The following NRCAM variants were observed in gnomAD, a reference collection of about 807,000 sequenced individuals.
The protein encoded by NRCAM is NgCAM-related cell adhesion molecule.
NRCAM carries 83 observed loss-of-function variants against 156.5 expected under a neutral mutation model. The observed-to-expected ratio is 0.53, with a 90% CI of 0.44 to 0.64. The LOEUF (loss-of-function observed/expected upper bound fraction) is 0.64, where lower values mean the gene tolerates loss of function less well. NRCAM is among the 30% of genes least tolerant of loss of function. The pLI is 0.00. For synonymous variants in NRCAM, 538 were observed against 563.9 expected, an observed-to-expected ratio of 0.95 and a Z score of 0.65; for missense variants, 1,417 against 1,597.3, an observed-to-expected ratio of 0.89 and a Z score of 1.92.
intron 20 of NRCAM, among the ~76,000 whole-genome samples, chr7:108,186,642 C>T (rs1046109301): frequency 2.0e-5 from 3 of 152,168 alleles, no homozygotes; most frequent in African/African-American, 7.2e-5. Context: ...TCATGGCTCC[C>T]TTAGGCCAAA....
chr7:108,189,807 C>A (rs117767459), intron 19 of NRCAM, 61 bp from the exon 20 acceptor site: 5 of 711,774 alleles, frequency 7.0e-6, no homozygotes, highest in Admixed American at 2.3e-5. Flanking sequence ...CTCTCCTTTA[C>A]TCGTGATACT....
intron 2 of NRCAM, among the ~76,000 whole-genome samples, chr7:108,383,619 T>C (rs1282713171): frequency 6.6e-6 from 1 of 152,204 alleles, no homozygotes; most frequent in East Asian, 1.9e-4. Flanking sequence ...CTTGGCTACT[T>C]AGCCAAAGAA....
intron 13 of NRCAM, among the ~76,000 whole-genome samples, chr7:108,201,192 A>AAAG (rs2077896735): frequency 6.6e-6 from 1 of 150,820 alleles, no homozygotes; most frequent in African/African-American, 2.4e-5. Context: ...AAAAAAAAAA[A>AAAG]GAAAAAGATT....
At chr7:108,174,829 G>A (rs796433139) in intron 28 of NRCAM, among the ~76,000 whole-genome samples, 1 of 152,344 alleles carries the variant, frequency 6.6e-6, no homozygotes, top group African/African-American at 2.4e-5. Context: ...ACCAGTTGGA[G>A]GGCATTGCTA....
chr7:108,330,289 G>T (rs1339219960), intron 2 of NRCAM, among the ~76,000 whole-genome samples: 1 of 152,120 alleles, frequency 6.6e-6, no homozygotes, highest in Non-Finnish European at 1.5e-5. Context: ...CTTGAAAAAA[G>T]GTTGCATTTT....
At chr7:108,331,707 A>T (rs1287237752) in intron 2 of NRCAM, among the ~76,000 whole-genome samples, 3 of 152,242 alleles carry the variant, frequency 2.0e-5, no homozygotes, top group Non-Finnish European at 4.4e-5. Context: ...AAAGATGTGT[A>T]GATGATTCTT....
chr7:108,358,244 C>CAAAAA (rs71314689), intron 2 of NRCAM, among the ~76,000 whole-genome samples: 1 of 71,794 alleles, frequency 1.4e-5, no homozygotes, highest in Non-Finnish European at 2.8e-5. Flanking sequence ...CCCCTCTCTA[C>CAAAAA]AAAAAAAAAA....
chr7:108,226,731 C>T (rs1380916360), intron 8 of NRCAM, among the ~76,000 whole-genome samples: 2 of 152,122 alleles, frequency 1.3e-5, no homozygotes, highest in East Asian at 1.9e-4. Flanking sequence ...AGTACACATA[C>T]ACATATATCT....
At chr7:108,274,921 C>A (rs1281641466) in intron 3 of NRCAM, among the ~76,000 whole-genome samples, 2 of 151,988 alleles carry the variant, frequency 1.3e-5, no homozygotes, top group African/African-American at 2.4e-5. Context: ...ATTAATACCT[C>A]ATTTATTGAA....
intron 1 of NRCAM, among the ~76,000 whole-genome samples, chr7:108,425,368 T>C (rs1161563590): frequency 6.6e-6 from 1 of 152,208 alleles, no homozygotes; most frequent in Non-Finnish European, 1.5e-5. Flanking sequence ...CCCTGCACAA[T>C]ACTAAATCCC....
intron 2 of NRCAM, among the ~76,000 whole-genome samples, chr7:108,367,404 C>T (rs985438433): frequency 2.6e-5 from 4 of 152,060 alleles, no homozygotes; most frequent in Non-Finnish European, 5.9e-5. Context: ...TCTTGTAAGA[C>T]ATCTGAGTTT....
chr7:108,411,686 C>A (rs372095852), intron 1 of NRCAM, among the ~76,000 whole-genome samples: 1 of 152,096 alleles, frequency 6.6e-6, no homozygotes, highest in Non-Finnish European at 1.5e-5. Flanking sequence ...TGCGCCACCA[C>A]GCCCGGCTAA....
At chr7:108,236,881 C>T (rs1589472357) in intron 5 of NRCAM, among the ~76,000 whole-genome samples, 2 of 152,130 alleles carry the variant, frequency 1.3e-5, no homozygotes, top group South Asian at 2.1e-4. Flanking sequence ...TTGTGCTTTT[C>T]TGGGAGTGAC....
chr7:108,341,171 C>T (rs772963683), intron 2 of NRCAM, among the ~76,000 whole-genome samples: 8 of 152,232 alleles, frequency 5.3e-5, no homozygotes, highest in Non-Finnish European at 7.3e-5. Context: ...AGGCCCACTG[C>T]CCCAGGGGAC....
At chr7:108,161,640 T>C (rs2049075265) in intron 30 of NRCAM, among the ~76,000 whole-genome samples, 1 of 152,178 alleles carries the variant, frequency 6.6e-6, no homozygotes, top group Non-Finnish European at 1.5e-5. Context: ...GTGTGTGATC[T>C]CTGGATGCAG....
intron 3 of NRCAM, among the ~76,000 whole-genome samples, chr7:108,305,498 A>G (rs887316582): frequency 6.6e-6 from 1 of 152,118 alleles, no homozygotes. Context: ...GTGCTTTTTG[A>G]CAAAAGTAAA....
At chr7:108,397,685 C>T (rs1252271970) in intron 2 of NRCAM, among the ~76,000 whole-genome samples, 2 of 152,166 alleles carry the variant, frequency 1.3e-5, no homozygotes, top group Non-Finnish European at 2.9e-5. Context: ...ATGATTGATA[C>T]TGAAAAAGAA....
chr7:108,455,336 T>A (rs374461609), intron 1 of NRCAM, among the ~76,000 whole-genome samples: 2 of 152,174 alleles, frequency 1.3e-5, no homozygotes, highest in African/African-American at 4.8e-5. Context: ...CAGATGGCGC[T>A]CGCTGCGAGA....
chr7:108,259,006 G>C (rs2096789353), intron 3 of NRCAM, among the ~76,000 whole-genome samples: 1 of 152,198 alleles, frequency 6.6e-6, no homozygotes, highest in South Asian at 2.1e-4. Flanking sequence ...TAAAAATCCA[G>C]TTCCTCAGTC....
Sources: allele counts gnomAD v4.1 joint callset (sites outside exome capture counted in the v4.1 genomes callset), GRCh38; gene constraint gnomAD v4.1.1; transcripts MANE v1.5; gene names NCBI Gene and HGNC (gene_info 2026-07-23, HGNC 2026-07-21).